SGCD: variants seen among roughly 807,000 people sequenced by gnomAD.
The protein encoded by SGCD is sarcoglycan delta.
A neutral mutation model predicts 36.6 loss-of-function variants in SGCD; 18 were observed. The ratio of observed to expected loss-of-function variants is 0.49; its 90% confidence interval spans 0.34 to 0.73. The LOEUF (loss-of-function observed/expected upper bound fraction) is 0.73, where lower values mean the gene tolerates loss of function less well. Ranked by LOEUF, SGCD falls within the 30% of genes least tolerant of loss-of-function variation. SGCD has a pLI of 0.01. For synonymous variants in SGCD, 133 were observed against 130.6 expected (o/e 1.02, Z -0.12); for missense variants, 387 against 346.7 (o/e 1.12, Z -0.92).
intron 7 of SGCD, among the ~76,000 whole-genome samples, chr5:156,688,965 G>C (rs760463572): frequency 1.4e-4 from 21 of 152,128 alleles, no homozygotes; most frequent in Non-Finnish European, 2.4e-4. Flanking sequence ...CTTTCCTTTT[G>C]TATGCCACAG....
At chr5:156,384,664 G>A (rs530839854) in intron 3 of SGCD, among the ~76,000 whole-genome samples, 2 of 151,044 alleles carry the variant, frequency 1.3e-5, no homozygotes, top group South Asian at 4.2e-4. Flanking sequence ...TCAAAAAGAT[G>A]TGCATTTTTT....
intron 4 of SGCD, among the ~76,000 whole-genome samples, chr5:156,551,398 C>T (rs1758787503): frequency 6.6e-6 from 1 of 152,158 alleles, no homozygotes; most frequent in Non-Finnish European, 1.5e-5. Flanking sequence ...ACTCTTTCTC[C>T]CAGAATCTTC....
chr5:156,511,255 A>G (rs1756912465), intron 4 of SGCD, among the ~76,000 whole-genome samples: 1 of 152,216 alleles, frequency 6.6e-6, no homozygotes, highest in Admixed American at 6.5e-5. Context: ...ACAGATATGC[A>G]TACATAATAA....
intron 7 of SGCD, among the ~76,000 whole-genome samples, chr5:156,654,847 A>G (rs1374702268): frequency 6.6e-6 from 1 of 152,160 alleles, no homozygotes; most frequent in African/African-American, 2.4e-5. Flanking sequence ...AACATCTTAC[A>G]TATCTGTGGT....
chr5:155,933,112 C>A (rs1046600210), intron 1 of SGCD, among the ~76,000 whole-genome samples: 2 of 152,178 alleles, frequency 1.3e-5, no homozygotes, highest in African/African-American at 4.8e-5. Flanking sequence ...TGTCATCTGG[C>A]CTTGGCCTAT....
At chr5:156,068,430 T>C (rs1333054520) in intron 1 of SGCD, among the ~76,000 whole-genome samples, 2 of 152,172 alleles carry the variant, frequency 1.3e-5, no homozygotes, top group Non-Finnish European at 2.9e-5. Context: ...ATTTCATCCA[T>C]GTCCCTACAA....
intron 1 of SGCD, among the ~76,000 whole-genome samples, chr5:155,887,303 G>A (rs917376771): frequency 6.6e-6 from 1 of 152,058 alleles, no homozygotes; most frequent in Non-Finnish European, 1.5e-5. Context: ...TTGCTGTCTT[G>A]GGTTTTCTGT....
chr5:156,143,755 A>G (rs182829515), intron 3 of SGCD, among the ~76,000 whole-genome samples: 1 of 151,636 alleles, frequency 6.6e-6, no homozygotes, highest in East Asian at 1.9e-4. Flanking sequence ...TTTAAATTAT[A>G]CTCTAAGTTT....
At chr5:156,575,981 T>C (rs1312842503) in intron 4 of SGCD, among the ~76,000 whole-genome samples, 1 of 152,186 alleles carries the variant, frequency 6.6e-6, no homozygotes, top group Non-Finnish European at 1.5e-5. Flanking sequence ...ACATGCAGGT[T>C]TGTTACATAG....
intron 1 of SGCD, among the ~76,000 whole-genome samples, chr5:155,971,121 C>G (rs1199881150): frequency 6.6e-6 from 1 of 152,124 alleles, no homozygotes; most frequent in Non-Finnish European, 1.5e-5. Flanking sequence ...TTGGGAAGAT[C>G]ACCATCTGTG....
At chr5:156,557,442 T>A (rs1051784555) in intron 4 of SGCD, among the ~76,000 whole-genome samples, 5 of 152,160 alleles carry the variant, frequency 3.3e-5, no homozygotes, top group Non-Finnish European at 5.9e-5. Context: ...TTATGGAATA[T>A]CATTTTTCAT....
intron 1 of SGCD, among the ~76,000 whole-genome samples, chr5:155,891,252 T>G (rs948269045): frequency 5.3e-5 from 8 of 152,218 alleles, no homozygotes; most frequent in African/African-American, 1.9e-4. Context: ...TATATGTGCC[T>G]TGTTCTGGTC....
At chr5:156,612,088 G>C (rs1362254873) in intron 6 of SGCD, among the ~76,000 whole-genome samples, 1 of 151,704 alleles carries the variant, frequency 6.6e-6, no homozygotes, top group African/African-American at 2.4e-5. Flanking sequence ...TTTGGGAGGG[G>C]GTCTGTTACT....
chr5:156,196,000 C>T (rs947255824), intron 3 of SGCD, among the ~76,000 whole-genome samples: 4 of 151,836 alleles, frequency 2.6e-5, no homozygotes, highest in African/African-American at 9.7e-5. Context: ...CTCACCCAAC[C>T]TCTGAAGGCA....
At chr5:155,887,963 A>G (rs77160396) in intron 1 of SGCD, among the ~76,000 whole-genome samples, 105 of 152,346 alleles carry the variant, frequency 6.9e-4, no homozygotes, top group African/African-American at 2.5e-3. Context: ...GATGAGAAAT[A>G]CGAAACTCAG....
intron 7 of SGCD, among the ~76,000 whole-genome samples, chr5:156,733,890 G>A (rs1297006585): frequency 2.6e-5 from 4 of 152,084 alleles, no homozygotes; most frequent in South Asian, 2.1e-4. Context: ...CTACATGTGC[G>A]AGGGTCTCTT....
chr5:155,884,142 C>G (rs1755951150), intron 1 of SGCD, among the ~76,000 whole-genome samples: 1 of 152,128 alleles, frequency 6.6e-6, no homozygotes, highest in Non-Finnish European at 1.5e-5. Flanking sequence ...TCTGCTGTGA[C>G]CCGGGTGACA....
chr5:156,547,173 A>G (rs974906534), intron 4 of SGCD, among the ~76,000 whole-genome samples: 1 of 152,184 alleles, frequency 6.6e-6, no homozygotes, highest in African/African-American at 2.4e-5. Context: ...CAGAACTATG[A>G]TAATACATTT....
intron 1 of SGCD, among the ~76,000 whole-genome samples, chr5:155,946,447 T>C (rs893004260): frequency 6.6e-5 from 10 of 152,122 alleles, no homozygotes; most frequent in African/African-American, 2.4e-4. Context: ...GATGAGAGTT[T>C]AATTAAATGT....
Sources: allele counts gnomAD v4.1 joint callset (sites outside exome capture counted in the v4.1 genomes callset), GRCh38; gene constraint gnomAD v4.1.1; transcripts MANE v1.5; gene names NCBI Gene and HGNC (gene_info 2026-07-23, HGNC 2026-07-21).